RBM14: variants seen among roughly 807,000 people sequenced by gnomAD.
RBM14 encodes the protein RNA-binding protein 14.
RBM14 carries 5 observed loss-of-function variants against 52.8 expected under a neutral mutation model. The observed-to-expected ratio is 0.09, with a 90% CI of 0.05 to 0.20. The LOEUF is 0.20. Ranked by LOEUF, RBM14 falls within the 10% of genes least tolerant of loss-of-function variation. RBM14 has a pLI of 1.00. For synonymous variants in RBM14, 411 were observed against 401.8 expected, an observed-to-expected ratio of 1.02 and a Z score of -0.28; for missense variants, 780 against 926.6, an observed-to-expected ratio of 0.84 and a Z score of 2.05.
intron 1 of RBM14, among the ~76,000 whole-genome samples, chr11:66,621,448 G>A (rs1859108327): frequency 6.6e-6 from 1 of 151,938 alleles, no homozygotes; most frequent in South Asian, 2.1e-4. Context: ...CACGATCTTG[G>A]CTCACTGCAA....
rs373421320 is a variant in RBM14, at chr11:66,627,990, G to A, written c.*1322G>A. ...GCCAACCCCTGCCATTATAGTCACC[G>A]GAGACTCCTTTACCTATCCCTATCT... On this transcript the variant is annotated 3_prime_UTR_variant, in exon 3 of 3. Transcript: ENST00000310137. Among the ~76,000 whole-genome samples, 36 of 152,200 alleles carry A rather than the reference G, an allele frequency of 2.4e-4. No individual in the cohort carries two copies. Among genetic ancestry groups the A allele is most frequent in the African/African-American group, 7.5e-4 (31 of 41,506 alleles).
In RBM14 at chr11:66,627,922, T is replaced by G. The variant is rs551384972; in HGVS notation, c.*1254T>G. ...GGGCATTCTGGCCATAGAGCTCGTATTTTGCCTGTTGAGCTGTACCATGGA... is the reference window on the plus strand; with the variant it reads ...GGGCATTCTGGCCATAGAGCTCGTAGTTTGCCTGTTGAGCTGTACCATGGA... On this transcript the variant is annotated 3_prime_UTR_variant, in exon 3 of 3. Transcript: ENST00000310137. 2.0e-5 allele frequency among the ~76,000 whole-genome samples: 3 copies of G among 152,256 alleles called. No individual in the cohort carries two copies. The highest frequency in any genetic ancestry group is 7.2e-5 in the African/African-American group (3 of 41,540).
chr11:66,620,085 C>T (rs1032855695), intron 1 of RBM14, among the ~76,000 whole-genome samples: 3 of 152,100 alleles, frequency 2.0e-5, no homozygotes, highest in African/African-American at 4.8e-5. Context: ...TTTTAATGGT[C>T]TTAGGAGTAC....
At position 66,625,707 on chromosome 11, in the gene RBM14, C is replaced by CA. The variant is rs1590848229; in HGVS notation, c.1802+30dup. ...CTGTATGCCCCCCCGCCTCTGCCCC[C>CA]AGCTGGGGCTTAGGGCAAGGGGCTG... On this transcript the variant is annotated intron_variant, in intron 2 of 2. Coordinates refer to ENST00000310137, the MANE Select transcript of RBM14 (RefSeq NM_006328.4). This position sits in a 1 kb window ranked among gnomAD's most constrained non-coding sequence, Gnocchi z 4.2. The CA allele has an allele frequency of 6.5e-7, 1 of 1,527,006 alleles. No individual in the cohort carries two copies. Among genetic ancestry groups the CA allele is most frequent in the East Asian group, 2.3e-5 (1 of 44,090 alleles). The allele number at this position is 1,527,006 out of a possible 1,614,324, so 94.6% of individuals were successfully genotyped here. A position where few individuals can be genotyped will look rare whatever the true frequency, so the allele number is the denominator to read the frequency against.
In RBM14 at chr11:66,624,195, C is replaced by T. The variant is rs1163393195; in HGVS notation, c.338-19C>T. On this transcript the variant is annotated intron_variant, in intron 1 of 2. Coordinates refer to ENST00000310137, the MANE Select transcript of RBM14 (RefSeq NM_006328.4). The surrounding 1 kb of genome is among the most constrained non-coding windows in gnomAD (Gnocchi z 4.7). ...CCCTGCCCCCCTAATTGCTAACCCT[C>T]TGTCTGCTGCTTTATCAGACTACGC... The T allele has an allele frequency of 1.3e-6, 2 of 1,557,208 alleles. No individual in the cohort carries two copies. Among genetic ancestry groups the T allele is most frequent in the Non-Finnish European group, 1.7e-6 (2 of 1,148,640 alleles).
chr11:66,620,833 A>G (rs560501315), intron 1 of RBM14: 5 of 152,074 alleles, frequency 3.3e-5, no homozygotes, highest in Admixed American at 3.3e-4. Context: ...ATTGTTCCTT[A>G]ATATTCCCTC....
At position 66,616,630 on chromosome 11, in the gene RBM14, A is replaced by C; in HGVS notation, c.-91A>C. The C allele has an allele frequency of 6.9e-7, 1 of 1,454,038 alleles. No individual in the cohort carries two copies. The allele number at this position is 1,454,038 out of a possible 1,614,324, so 90.1% of individuals were successfully genotyped here. ...GCGGCGGGGTTCTCGGTCGCCAGCC[A>C]TTCCTGAGGAGGACTGCCGGTCGTT... On this transcript the variant is annotated 5_prime_UTR_variant, in exon 1 of 3. Transcript: ENST00000310137.
At chr11:66,623,129 A>C (rs1157430709) in intron 1 of RBM14, among the ~76,000 whole-genome samples, 1 of 152,210 alleles carries the variant, frequency 6.6e-6, no homozygotes, top group Non-Finnish European at 1.5e-5. Context: ...TGGTTAGCAG[A>C]GCCTGTTAGC....
At chr11:66,626,133 G>A (rs1404620799) in intron 2 of RBM14, among the ~76,000 whole-genome samples, 2 of 152,206 alleles carry the variant, frequency 1.3e-5, no homozygotes, top group African/African-American at 2.4e-5. Flanking sequence ...GCTTTCATCC[G>A]CCGTTCTGTT....
At chr11:66,622,242 T>C (rs1344895011) in intron 1 of RBM14, among the ~76,000 whole-genome samples, 7 of 149,252 alleles carry the variant, frequency 4.7e-5, no homozygotes, top group Non-Finnish European at 7.4e-5. Flanking sequence ...TTCTTTTTTT[T>C]TTTTTTTGAA....
At chr11:66,617,802 T>G (rs1858909552) in intron 1 of RBM14, among the ~76,000 whole-genome samples, 1 of 152,214 alleles carries the variant, frequency 6.6e-6, no homozygotes, top group Admixed American at 6.5e-5. Context: ...AGAAAGCTTG[T>G]TTTATGAAGT....
At chr11:66,617,655 C>G (rs1411534369) in intron 1 of RBM14, 8 of 774,690 alleles carry the variant, frequency 1.0e-5, no homozygotes, top group Non-Finnish European at 1.3e-5. Context: ...GGGCCCCTTC[C>G]GAATCACTTT....
chr11:66,618,863 G>A (rs1472539939), intron 1 of RBM14, among the ~76,000 whole-genome samples: 3 of 152,288 alleles, frequency 2.0e-5, no homozygotes, highest in East Asian at 1.9e-4. Context: ...GTGACGATGC[G>A]GGTGAAGTGC....
chr11:66,624,856 C>T lies in RBM14; in HGVS notation c.980C>T (p.Ser327Leu), dbSNP rs374235546. 2.3e-5 allele frequency: 37 copies of T among 1,613,922 alleles called. No homozygotes were observed. Among genetic ancestry groups the T allele is most frequent in the Non-Finnish European group, 2.9e-5 (34 of 1,179,992 alleles). Residue 327 changes from serine (S) to leucine (L), a missense_variant, in exon 2 of 3, where the codon TCG becomes TTG. By Grantham distance (145) the Ser-to-Leu change is moderately radical. This residue lies in a region of RBM14 where 675 missense variants were observed against 697.3 expected (regional missense o/e 0.97). Transcript: ENST00000310137. This position sits in a 1 kb window ranked among gnomAD's most constrained non-coding sequence, Gnocchi z 4.7. ...SYGGQAAAAS[S>L]LNSYGAQGSS... is the part of the protein sequence containing the mutation. Reference sequence around the variant, plus strand: ...GGGGGTCAGGCAGCTGCAGCTTCTTCGCTCAACTCCTATGGGGCTCAGGGT... The same window carrying T: ...GGGGGTCAGGCAGCTGCAGCTTCTTTGCTCAACTCCTATGGGGCTCAGGGT...
intron 1 of RBM14, among the ~76,000 whole-genome samples, chr11:66,622,212 G>A (rs933938570): frequency 6.6e-6 from 1 of 151,480 alleles, no homozygotes; most frequent in Non-Finnish European, 1.5e-5. Context: ...CACCGTGCTT[G>A]GCTAGTTTCT....
Position 66,629,707 on chromosome 11 carries a change from A to C in RBM14, c.*3039A>C, listed in dbSNP as rs1937971215. Among the ~76,000 whole-genome samples the C allele has an allele frequency of 6.6e-6, 1 of 152,192 alleles. No individual in the cohort carries two copies. The highest frequency in any genetic ancestry group is 2.4e-5 in the African/African-American group (1 of 41,450). On this transcript the variant is annotated 3_prime_UTR_variant, in exon 3 of 3. Transcript: ENST00000310137. ...CCTTTGAAAGGTCATAAAGGGTAAA[A>C]GTCTATAGTTTTCCAGAAAATAATT... is the stretch of plus-strand genomic sequence containing the variant.
chr11:66,618,490 A>T (rs1684474280), intron 1 of RBM14: 1 of 717,326 alleles, frequency 1.4e-6, no homozygotes, highest in Non-Finnish European at 2.6e-6. Flanking sequence ...ATTTTCCTCA[A>T]CTCAGGTTAT....
chr11:66,625,496 C>A lies in RBM14; in HGVS notation c.1620C>A (p.Tyr540Ter). ...AQQHPQAAAS[Y>*]RGQPGNAYDG... ...AGCATCCCCAGGCTGCTGCCTCCTACCGCGGCCAGCCAGGCAATGCCTACG... is the reference window on the plus strand; with the variant it reads ...AGCATCCCCAGGCTGCTGCCTCCTAACGCGGCCAGCCAGGCAATGCCTACG... Residue 540 changes from tyrosine to a stop codon, truncating the protein, a stop_gained, in exon 2 of 3, where the codon TAC becomes TAA. Transcript: ENST00000310137. LOFTEE classifies it high-confidence loss of function. The surrounding 1 kb of genome is among the most constrained non-coding windows in gnomAD (Gnocchi z 4.2). 1 of 1,612,948 alleles carries A rather than the reference C, an allele frequency of 6.2e-7. No individual in the cohort carries two copies.
chr11:66,624,896 C>T lies in RBM14; in HGVS notation c.1020C>T (p.Ser340=), dbSNP rs778092516. 2.5e-6 allele frequency: 4 copies of T among 1,613,630 alleles called. No homozygotes were observed. In the Admixed American group the frequency reaches 6.7e-5, roughly 27 times the overall value. The part of the protein sequence containing the change: ...SYGAQGSSLA[S]YGNQPSSYGA... ...GGGCTCAGGGTTCCTCCCTTGCCTC[C>T]TATGGTAACCAGCCATCCTCTTACG... Residue 340 remains serine, a synonymous_variant, in exon 2 of 3, where the codon TCC becomes TCT. Coordinates refer to ENST00000310137, the MANE Select transcript of RBM14 (RefSeq NM_006328.4). This position sits in a 1 kb window ranked among gnomAD's most constrained non-coding sequence, Gnocchi z 4.7.
Sources: allele counts gnomAD v4.1 joint callset (sites outside exome capture counted in the v4.1 genomes callset), GRCh38; gene constraint gnomAD v4.1.1; regional missense constraint gnomAD v4.1.1; non-coding constraint Gnocchi (gnomAD v3.1); transcripts MANE v1.5; gene names NCBI Gene and HGNC (gene_info 2026-07-23, HGNC 2026-07-21).